Variants in EMC2 observed in about 807,000 individuals in gnomAD.
The protein encoded by EMC2 is ER membrane protein complex subunit 2, also known as TPR repeat protein 35.
In EMC2, 37 loss-of-function variants were observed where a neutral mutation model predicts 51.6. The observed-to-expected ratio is 0.72, with a 90% CI of 0.55 to 0.94. The LOEUF (loss-of-function observed/expected upper bound fraction) is 0.94. EMC2 is among the 40% of genes least tolerant of loss of function. EMC2 has a pLI of 0.00. For synonymous variants in EMC2, 131 were observed against 112.4 expected, an observed-to-expected ratio of 1.17 and a Z score of -1.04; for missense variants, 359 against 350.9, an observed-to-expected ratio of 1.02 and a Z score of -0.18.
chr8:108,466,484 G>A (rs1326691260), intron 5 of EMC2, among the ~76,000 whole-genome samples: 2 of 113,266 alleles, frequency 1.8e-5, no homozygotes, highest in Admixed American at 1.3e-4. Context: ...ACAGGATCTC[G>A]CTCTGTTGCC....
chr8:108,470,183 G>C, intron 7 of EMC2, 62 bp downstream of exon 7: 1 of 1,152,584 alleles, frequency 8.7e-7, no homozygotes. Flanking sequence ...AGTTCAGAAA[G>C]CACTGTGGTT....
intron 8 of EMC2, 75 bp downstream of exon 8, chr8:108,476,038 T>G: frequency 6.6e-6 from 5 of 756,108 alleles, no homozygotes; most frequent in Non-Finnish European, 2.2e-6. Flanking sequence ...CTAAGAATAT[T>G]TCCTTGATGT....
intron 5 of EMC2, among the ~76,000 whole-genome samples, chr8:108,463,869 G>T (rs1018091786): frequency 5.9e-5 from 9 of 152,030 alleles, no homozygotes; most frequent in African/African-American, 2.2e-4. Flanking sequence ...ACTGGTAAAT[G>T]GTAACATGCC....
At chr8:108,483,267 A>C (rs891397284) in intron 10 of EMC2, among the ~76,000 whole-genome samples, 2 of 152,264 alleles carry the variant, frequency 1.3e-5, no homozygotes, top group Non-Finnish European at 2.9e-5. Context: ...CATGTAATCA[A>C]GTGCATATAT....
Position 108,453,189 on chromosome 8 carries a change from T to A in EMC2, c.305+42T>A, listed in dbSNP as rs759300784. The A allele has an allele frequency of 5.0e-6, 6 of 1,200,750 alleles. No homozygotes were observed. In the African/African-American group the frequency reaches 9.3e-5, roughly 19 times the overall value. The allele number at this position is 1,200,750 out of a possible 1,614,324, so 74.4% of individuals were successfully genotyped here. A position where few individuals can be genotyped will look rare whatever the true frequency, so the allele number is the denominator to read the frequency against. The stretch of plus-strand genomic sequence containing the variant: ...AGCTGGCAGGCATGGAGCCTGTTAA[T>A]CATGGTGGTGTTAATTTTTTTTTTT... On this transcript the variant is annotated intron_variant, in intron 4 of 10. Coordinates refer to ENST00000220853, the MANE Select transcript of EMC2 (RefSeq NM_014673.5).
intron 5 of EMC2, among the ~76,000 whole-genome samples, chr8:108,467,100 C>A (rs945262628): frequency 8.5e-5 from 13 of 152,106 alleles, no homozygotes; most frequent in African/African-American, 3.1e-4. Flanking sequence ...TCAGTTCTTT[C>A]CAATTGTAAA....
chr8:108,451,370 TTATTA>T (rs1170075686), intron 3 of EMC2, among the ~76,000 whole-genome samples: 1 of 151,734 alleles, frequency 6.6e-6, no homozygotes, highest in Admixed American at 6.5e-5. Context: ...TTTGATGTTA[TTATTA>T]TATTTATTTT....
chr8:108,471,274 GAGTAT>G (rs1005157606), intron 7 of EMC2, among the ~76,000 whole-genome samples: 1 of 151,808 alleles, frequency 6.6e-6, no homozygotes, highest in African/African-American at 2.4e-5. Flanking sequence ...TGAATTTTTA[GAGTAT>G]AGTAAAAATA....
intron 1 of EMC2, among the ~76,000 whole-genome samples, chr8:108,446,514 C>G (rs534095899): frequency 1.9e-4 from 29 of 152,192 alleles, no homozygotes; most frequent in Non-Finnish European, 3.7e-4. Context: ...CGAAATACTT[C>G]AAAACAATCC....
At chr8:108,471,645 G>T (rs934229499) in intron 7 of EMC2, among the ~76,000 whole-genome samples, 1 of 151,850 alleles carries the variant, frequency 6.6e-6, no homozygotes, top group Non-Finnish European at 1.5e-5. Context: ...ACAATCTACA[G>T]TGTGTTTTGA....
At chr8:108,476,432 A>G (rs1042725173) in intron 8 of EMC2, among the ~76,000 whole-genome samples, 1 of 151,974 alleles carries the variant, frequency 6.6e-6, no homozygotes, top group Non-Finnish European at 1.5e-5. Context: ...GGACAATTCA[A>G]TATTTAAGTC....
chr8:108,444,239 C>G (rs945860940), intron 1 of EMC2, among the ~76,000 whole-genome samples: 15 of 152,186 alleles, frequency 9.9e-5, no homozygotes, highest in African/African-American at 3.6e-4. Context: ...AGTCTAGTCT[C>G]TGTCCCACTC....
chr8:108,462,082 T>C (rs10955488), intron 5 of EMC2, among the ~76,000 whole-genome samples: 105,266 of 152,074 alleles, frequency 0.69, 37,166 homozygotes, highest in African/African-American at 0.84. Context: ...GCTGGGATTA[T>C]AGGCATGAGC....
At chr8:108,464,722 A>G (rs1224090971) in intron 5 of EMC2, among the ~76,000 whole-genome samples, 3 of 152,212 alleles carry the variant, frequency 2.0e-5, no homozygotes, top group African/African-American at 7.2e-5. Context: ...TAAAACCTCC[A>G]CTTTGAGCTC....
chr8:108,478,293 T>G (rs557397410), intron 9 of EMC2, among the ~76,000 whole-genome samples: 2 of 152,206 alleles, frequency 1.3e-5, no homozygotes, highest in African/African-American at 4.8e-5. Context: ...CATATGATTT[T>G]GGGGTTTTAT....
intron 5 of EMC2, among the ~76,000 whole-genome samples, chr8:108,467,167 C>G (rs894857499): frequency 3.9e-5 from 6 of 152,112 alleles, no homozygotes; most frequent in African/African-American, 9.7e-5. Context: ...TAGATACTTC[C>G]TTCAGTGTCC....
chr8:108,459,703 T>TGAGA (rs71303985), intron 5 of EMC2, among the ~76,000 whole-genome samples: 34,244 of 126,170 alleles, frequency 0.27, 4,857 homozygotes, highest in East Asian at 0.41. Flanking sequence ...CCAAGCCATG[T>TGAGA]GAGAGAGAGA....
At position 108,450,476 on chromosome 8, in the gene EMC2, G is replaced by A. The variant is rs771249294; in HGVS notation, c.203G>A (p.Arg68Gln). ...QVMIAALDYGRDDLALFCLQE... is the reference protein window; with the variant it reads ...QVMIAALDYGQDDLALFCLQE... ...ATGATTGCAGCACTAGACTATGGTC[G>A]GGATGACTTGGCATTGGTAGGTATT... Residue 68 changes from arginine (R) to glutamine (Q), a missense_variant, in exon 3 of 11, where the codon CGG (arginine) becomes CAG (glutamine). Coordinates refer to ENST00000220853, the MANE Select transcript of EMC2 (RefSeq NM_014673.5). 1.1e-5 allele frequency: 17 copies of A among 1,585,360 alleles called. No individual in the cohort carries two copies. Among genetic ancestry groups the A allele is most frequent in the East Asian group, 6.7e-5 (3 of 44,656 alleles).
chr8:108,478,349 A>G (rs1810984139), intron 9 of EMC2, among the ~76,000 whole-genome samples: 1 of 152,044 alleles, frequency 6.6e-6, no homozygotes, highest in Non-Finnish European at 1.5e-5. Context: ...ATTTAAATAC[A>G]TTTTTAAAAA....
Sources: gnomAD v4.1 joint callset for allele counts (sites outside exome capture counted in the v4.1 genomes callset) on GRCh38, gnomAD v4.1.1 for gene constraint, MANE v1.5 for transcripts, NCBI Gene and HGNC (gene_info 2026-07-23, HGNC 2026-07-21) for gene names.